PTER: variants seen among roughly 807,000 people sequenced by gnomAD.
The protein encoded by PTER is N-acetyltaurine hydrolase.
In PTER, 38 loss-of-function variants were observed where a neutral mutation model predicts 29.6. The observed-to-expected ratio is 1.28, with a 90% CI of 0.99 to 1.68. The LOEUF (loss-of-function observed/expected upper bound fraction) is 1.68. Ranked by LOEUF, PTER falls within the 40% of genes most tolerant of loss-of-function variation. PTER has a pLI of 0.00. For synonymous variants in PTER, 172 were observed against 154.5 expected, an observed-to-expected ratio of 1.11 and a Z score of -0.84; for missense variants, 482 against 427.8, an observed-to-expected ratio of 1.13 and a Z score of -1.12.
chr10:16,511,506 C>G lies in PTER; in HGVS notation c.*250C>G. 1 of 482,260 alleles carries G rather than the reference C, an allele frequency of 2.1e-6. No homozygotes were observed. The highest frequency in any genetic ancestry group is 3.3e-5 in the East Asian group (1 of 29,878). The allele number at this position is 482,260 out of a possible 1,614,324, so 29.9% of individuals were successfully genotyped here. A position where few individuals can be genotyped will look rare whatever the true frequency, so the allele number is the denominator to read the frequency against. On this transcript the variant is annotated 3_prime_UTR_variant, in exon 5 of 5. Coordinates refer to ENST00000535784, the MANE Select transcript of PTER (RefSeq NM_001261836.2). ...AAATACAGAAGTACCTATTTCTAAA[C>G]AATGATTTAAAGTCTATATCCCCTA...
At chr10:16,508,582 A>T (rs1427973713) in intron 4 of PTER, among the ~76,000 whole-genome samples, 1 of 152,162 alleles carries the variant, frequency 6.6e-6, no homozygotes, top group Non-Finnish European at 1.5e-5. Flanking sequence ...CTCCCCCAGC[A>T]TTCCTTCTTA....
At chr10:16,438,129 C>A (rs1007281929) in intron 1 of PTER, among the ~76,000 whole-genome samples, 1 of 152,086 alleles carries the variant, frequency 6.6e-6, no homozygotes, top group Non-Finnish European at 1.5e-5. Context: ...CCTCAGCCTT[C>A]TGAGTGGCTG....
chr10:16,455,477 G>A (rs1588589268), intron 1 of PTER, among the ~76,000 whole-genome samples: 2 of 152,086 alleles, frequency 1.3e-5, no homozygotes, highest in East Asian at 3.9e-4. Flanking sequence ...GATCGTTTGA[G>A]CCCAGGAGTT....
intron 1 of PTER, among the ~76,000 whole-genome samples, chr10:16,441,362 G>T (rs560272424): frequency 6.6e-6 from 1 of 152,232 alleles, no homozygotes; most frequent in South Asian, 2.1e-4. Flanking sequence ...TGAATCATCC[G>T]TACTTACCAT....
At chr10:16,461,718 A>G (rs563978798) in intron 1 of PTER, among the ~76,000 whole-genome samples, 1 of 152,280 alleles carries the variant, frequency 6.6e-6, no homozygotes, top group Admixed American at 6.5e-5. Context: ...ATTTTTCTCA[A>G]ACTTGGAGTT....
At chr10:16,455,586 G>T (rs539261178) in intron 1 of PTER, among the ~76,000 whole-genome samples, 1 of 152,254 alleles carries the variant, frequency 6.6e-6, no homozygotes, top group South Asian at 2.1e-4. Flanking sequence ...AGCTACTCAG[G>T]AGGCTGAGCG....
Position 16,484,574 on chromosome 10 carries a change from G to T in PTER, c.190G>T (p.Ala64Ser), listed in dbSNP as rs779482883. The change falls in exon 2 of 5, where the codon GCC becomes TCC. Residue 64 changes from alanine to serine, a missense_variant. By Grantham distance (99) the Ala-to-Ser change is moderately conservative. Transcript: ENST00000535784. ...AAATTTATATTGGATTCAGAAAAAC[G>T]CCTATTCCCATAAAGAAAACCTTCA... is the stretch of plus-strand genomic sequence containing the variant. ...MKNLYWIQKN[A>S]YSHKENLQLN... The T allele has an allele frequency of 2.0e-5, 33 of 1,613,842 alleles. No homozygotes were observed. Among genetic ancestry groups the T allele is most frequent in the Non-Finnish European group, 2.6e-5 (31 of 1,179,986 alleles).
intron 1 of PTER, among the ~76,000 whole-genome samples, chr10:16,466,965 A>G (rs1834858694): frequency 6.6e-6 from 1 of 152,202 alleles, no homozygotes; most frequent in South Asian, 2.1e-4. Flanking sequence ...ACTTGCAGTA[A>G]CTTTACTAAG....
chr10:16,505,767 A>G lies in PTER; in HGVS notation c.839+607A>G, dbSNP rs144431239. Among the ~76,000 whole-genome samples, 515 of 152,326 alleles carry G rather than the reference A, an allele frequency of 3.4e-3. 2 individuals are homozygous for G. Among genetic ancestry groups the G allele is most frequent in the African/African-American group, 0.012 (503 of 41,578 alleles). ...CTAGTTTGGTCTTGGTCACATGGTG[A>G]TAAGAAGATTGAATGAACCAAGTTA... On this transcript the variant is annotated intron_variant, in intron 4 of 4. Transcript: ENST00000535784.
At chr10:16,500,833 T>C (rs191483375) in intron 3 of PTER, among the ~76,000 whole-genome samples, 79 of 152,144 alleles carry the variant, frequency 5.2e-4, no homozygotes, top group African/African-American at 1.8e-3. Context: ...CTTGAACTCT[T>C]GGGCTCAAGC....
chr10:16,448,435 G>C (rs1246384832), intron 1 of PTER, among the ~76,000 whole-genome samples: 1 of 152,214 alleles, frequency 6.6e-6, no homozygotes, highest in Non-Finnish European at 1.5e-5. Context: ...ACCTCCAACA[G>C]TCTAAATAGG....
chr10:16,494,982 G>A (rs1836037680), intron 3 of PTER, among the ~76,000 whole-genome samples: 1 of 151,676 alleles, frequency 6.6e-6, no homozygotes. Flanking sequence ...TTTAAATATT[G>A]CATTATAAAC....
At chr10:16,497,045 C>T (rs1564406463) in intron 3 of PTER, among the ~76,000 whole-genome samples, 1 of 151,848 alleles carries the variant, frequency 6.6e-6, no homozygotes, top group South Asian at 2.1e-4. Context: ...AGCAGTTCTC[C>T]TACCTCAGCC....
intron 3 of PTER, among the ~76,000 whole-genome samples, chr10:16,502,656 G>A (rs915794250): frequency 2.0e-5 from 3 of 152,194 alleles, no homozygotes; most frequent in African/African-American, 2.4e-5. Flanking sequence ...TCCCGCACCC[G>A]TGGCACAGGG....
At chr10:16,500,450 C>T (rs1836291700) in intron 3 of PTER, among the ~76,000 whole-genome samples, 1 of 151,910 alleles carries the variant, frequency 6.6e-6, no homozygotes, top group East Asian at 2.0e-4. Flanking sequence ...CAGGGTCTTG[C>T]TTTGTTTCCA....
chr10:16,477,045 A>G (rs936668214), intron 1 of PTER, among the ~76,000 whole-genome samples: 9 of 151,742 alleles, frequency 5.9e-5, no homozygotes, highest in Non-Finnish European at 1.3e-4. Context: ...AGCTGGGACT[A>G]TAGGCACACA....
rs146867187 is a variant in PTER, at chr10:16,494,844, C to G, written c.698+8227C>G. 2.0e-3 allele frequency among the ~76,000 whole-genome samples: 303 copies of G among 152,222 alleles called. 3 individuals are homozygous for G. Among genetic ancestry groups the G allele is most frequent in the African/African-American group, 6.3e-3 (263 of 41,552 alleles). ...CTTCAATTAAGAATTTCTCAGCTCT[C>G]ATAGTTGCAGTGGAGCTGTCATTAG... On this transcript the variant is annotated intron_variant, in intron 3 of 4. Coordinates refer to ENST00000535784, the MANE Select transcript of PTER (RefSeq NM_001261836.2).
chr10:16,451,242 G>C (rs1834198518), intron 1 of PTER, among the ~76,000 whole-genome samples: 1 of 152,174 alleles, frequency 6.6e-6, no homozygotes, highest in Admixed American at 6.5e-5. Flanking sequence ...TGCACTGGCA[G>C]CTGATTAGAT....
In PTER at chr10:16,484,677, A is replaced by AC. The variant is rs752746968; in HGVS notation, c.294dup (p.Thr99HisfsTer6). 11 of 1,614,146 alleles carry AC rather than the reference A, an allele frequency of 6.8e-6. No individual in the cohort carries two copies. The East Asian group carries it at 2.2e-4, about 33-fold the overall frequency. On this transcript the variant is annotated frameshift_variant, in exon 2 of 5. Transcript: ENST00000535784. LOFTEE classifies it high-confidence loss of function. ...AATGGTGGAGGGGCTTTGGTGGAAA[A>AC]CACAACCACTGGGATTAGCCGAGAC... is the stretch of plus-strand genomic sequence containing the variant.
Sources: allele counts gnomAD v4.1 joint callset (sites outside exome capture counted in the v4.1 genomes callset), GRCh38; gene constraint gnomAD v4.1.1; transcripts MANE v1.5; gene names NCBI Gene and HGNC (gene_info 2026-07-23, HGNC 2026-07-21).